The following PRPF31 variants were observed in gnomAD, a reference collection of about 807,000 sequenced individuals.
PRPF31 encodes the protein pre-mRNA processing factor 31, also known as U4/U6 small nuclear ribonucleoprotein Prp31.
Under a neutral mutation model 60.4 loss-of-function variants are expected in PRPF31, and 12 were observed. The ratio of observed to expected loss-of-function variants is 0.20; its 90% confidence interval spans 0.13 to 0.32. The LOEUF is 0.32. PRPF31 is among the 10% of genes least tolerant of loss of function. The probability of loss-of-function intolerance (pLI) is 1.00; values close to 1 mark genes in which losing one functional copy is unlikely to be tolerated. For synonymous variants in PRPF31, 287 were observed against 287.9 expected (o/e 1.00, Z 0.03); for missense variants, 431 against 687.1 (o/e 0.63, Z 4.17).
chr19:54,127,950 G>C, intron 9 of PRPF31, 123 bp from the exon 10 acceptor site: 1 of 1,341,416 alleles, frequency 7.5e-7, no homozygotes. Flanking sequence ...AGGGGGTGGC[G>C]GTGAGGCAGC....
Position 54,131,447 on chromosome 19 carries a change from C to T in PRPF31, c.*15C>T, listed in dbSNP as rs775037640. 2 of 1,613,814 alleles carry T rather than the reference C, an allele frequency of 1.2e-6. No individual in the cohort carries two copies. Among genetic ancestry groups the T allele is most frequent in the Non-Finnish European group, 1.7e-6 (2 of 1,179,980 alleles). On this transcript the variant is annotated 3_prime_UTR_variant, in exon 14 of 14. Transcript: ENST00000321030. The stretch of plus-strand genomic sequence containing the variant: ...TGTCCACCTGAATGACTGCGTGTGT[C>T]CAAGGTGGCTTCCCACTGAAGGGAC...
At chr19:54,122,869 C>T (rs587726073) in intron 5 of PRPF31, 4 of 575,342 alleles carry the variant, frequency 7.0e-6, no homozygotes, top group Admixed American at 2.9e-5. Flanking sequence ...AGTTGACATC[C>T]GAAGGTTGAC....
intron 1 of PRPF31, among the ~76,000 whole-genome samples, chr19:54,116,709 T>C (rs1176869508): frequency 6.6e-6 from 1 of 152,238 alleles, no homozygotes; most frequent in Non-Finnish European, 1.5e-5. Flanking sequence ...GGACACGTTA[T>C]CACAAAGCAA....
Position 54,131,426 on chromosome 19 carries a change from C to T in PRPF31, c.1494C>T (p.Ser498=), listed in dbSNP as rs192902270. The change falls in exon 14 of 14, where the codon TCC becomes TCT. Residue 498 remains serine (S), a synonymous_variant. Coordinates refer to ENST00000321030, the MANE Select transcript of PRPF31 (RefSeq NM_015629.4). ...KVKGEKSGLM[S]T ...AGGGCGAGAAGAGTGGCCTTATGTCCACCTGAATGACTGCGTGTGTCCAAG... is the reference window on the plus strand; with the variant it reads ...AGGGCGAGAAGAGTGGCCTTATGTCTACCTGAATGACTGCGTGTGTCCAAG... The T allele has an allele frequency of 9.9e-6, 16 of 1,614,068 alleles. No homozygotes were observed. Among genetic ancestry groups the T allele is most frequent in the African/African-American group, 5.3e-5 (4 of 75,066 alleles).
chr19:54,119,183 C>T (rs1209297177), intron 3 of PRPF31, among the ~76,000 whole-genome samples: 1 of 152,116 alleles, frequency 6.6e-6, no homozygotes, highest in Admixed American at 6.6e-5. Flanking sequence ...GAGATCGAGA[C>T]CATCCTGGCT....
chr19:54,126,673 T>A, intron 9 of PRPF31, 56 bp downstream of exon 9: 3 of 1,526,164 alleles, frequency 2.0e-6, no homozygotes, highest in Non-Finnish European at 2.7e-6. Flanking sequence ...GCCTGGGGTG[T>A]CTCTGCAGGG....
intron 13 of PRPF31, 46 bp downstream of exon 13, chr19:54,129,416 A>G (rs372879221): frequency 2.0e-4 from 309 of 1,547,148 alleles, no homozygotes; most frequent in Middle Eastern, 1.7e-4. Context: ...AGACCTTGGC[A>G]AGGCCCCTTG....
chr19:54,118,748 CTTT>C, intron 3 of PRPF31, 115 bp downstream of exon 3: 1 of 882,144 alleles, frequency 1.1e-6, no homozygotes, highest in Admixed American at 2.6e-5. Flanking sequence ...CCAGAGCCTT[CTTT>C]TTTTTTTGTT....
At chr19:54,119,643 T>C (rs2073739704) in intron 3 of PRPF31, 1 of 152,024 alleles carries the variant, frequency 6.6e-6, no homozygotes. Flanking sequence ...ATTACAGGTA[T>C]GCAACACCAT....
intron 8 of PRPF31, among the ~76,000 whole-genome samples, chr19:54,126,025 A>G (rs2073912704): frequency 6.6e-6 from 1 of 152,232 alleles, no homozygotes; most frequent in African/African-American, 2.4e-5. Flanking sequence ...AGGGCTGGCC[A>G]TCGCTTCACT....
In PRPF31 at chr19:54,126,516, C is replaced by T. The variant is rs368749761; in HGVS notation, c.856-12C>T. Reference sequence around the variant, plus strand: ...CTCACACAGATTCCACCCCCGTTTTCCGTTGCTCCAGGATCTGCGGCGGAA... The same window carrying T: ...CTCACACAGATTCCACCCCCGTTTTTCGTTGCTCCAGGATCTGCGGCGGAA... On this transcript the variant is annotated splice_polypyrimidine_tract_variant and intron_variant, in intron 8 of 13. Coordinates refer to ENST00000321030, the MANE Select transcript of PRPF31 (RefSeq NM_015629.4). The T allele has an allele frequency of 5.3e-5, 85 of 1,611,298 alleles. No homozygotes were observed. The highest frequency in any genetic ancestry group is 7.2e-5 in the Non-Finnish European group (85 of 1,178,904).
At chr19:54,122,415 A>C (rs970431283) in intron 4 of PRPF31, 82 bp from the exon 5 acceptor site, 1 of 1,019,732 alleles carries the variant, frequency 9.8e-7, no homozygotes, top group South Asian at 1.3e-5. Flanking sequence ...TACTAAAGGA[A>C]GAAGGGGACA....
At chr19:54,123,626 G>A (rs1011437193) in intron 6 of PRPF31, 66 bp downstream of exon 6, 12 of 1,606,358 alleles carry the variant, frequency 7.5e-6, no homozygotes, top group Admixed American at 3.4e-5. Context: ...AGCTACACAC[G>A]CAGGTGTACA....
At position 54,131,490 on chromosome 19, in the gene PRPF31, C is replaced by G; in HGVS notation, c.*58C>G. 1.9e-6 allele frequency: 3 copies of G among 1,603,516 alleles called. No individual in the cohort carries two copies. The highest frequency in any genetic ancestry group is 2.6e-6 in the Non-Finnish European group (3 of 1,174,490). Reference sequence around the variant, plus strand: ...GAAGGGACACAGAGGTCCAGTCCTTCTGAAGGGCTAGGATCGGGTTCTGGC... The same window carrying G: ...GAAGGGACACAGAGGTCCAGTCCTTGTGAAGGGCTAGGATCGGGTTCTGGC... On this transcript the variant is annotated 3_prime_UTR_variant, in exon 14 of 14. Coordinates refer to ENST00000321030, the MANE Select transcript of PRPF31 (RefSeq NM_015629.4).
chr19:54,125,553 C>T (rs1220547982), intron 8 of PRPF31, among the ~76,000 whole-genome samples: 1 of 151,994 alleles, frequency 6.6e-6, no homozygotes, highest in African/African-American at 2.4e-5. Flanking sequence ...GGGTCCAGAC[C>T]CTGCTCTGTC....
intron 9 of PRPF31, among the ~76,000 whole-genome samples, chr19:54,126,958 A>G (rs2073936569): frequency 6.6e-6 from 1 of 152,176 alleles, no homozygotes; most frequent in South Asian, 2.1e-4. Flanking sequence ...GTGAAACCCC[A>G]TCTCTACCAA....
rs1281473715 is a variant in PRPF31, at chr19:54,123,537, C to T, written c.504C>T (p.Ser168=). The T allele has an allele frequency of 5.6e-6, 9 of 1,614,046 alleles. No individual in the cohort carries two copies. The highest frequency in any genetic ancestry group is 3.3e-4 in the Middle Eastern group (2 of 6,084). The part of the protein sequence containing the change: ...ILTNATIMVV[S]VTASTTQGQQ... Reference sequence around the variant, plus strand: ...CCAATGCCACCATCATGGTCGTCAGCGTCACCGCCTCCACCACCCAGGGGT... The same window carrying T: ...CCAATGCCACCATCATGGTCGTCAGTGTCACCGCCTCCACCACCCAGGGGT... Residue 168 remains serine (S), a synonymous_variant, in exon 6 of 14, where the codon AGC becomes AGT. Transcript: ENST00000321030.
At chr19:54,123,640 GCA>G (rs2073846958) in intron 6 of PRPF31, 80 bp downstream of exon 6, 2 of 1,598,708 alleles carry the variant, frequency 1.3e-6, no homozygotes, top group Admixed American at 1.7e-5. Context: ...GTGTACACAC[GCA>G]CACACACATA....
chr19:54,128,162 G>A lies in PRPF31; in HGVS notation c.1035G>A (p.Ala345=), dbSNP rs1226240803. ...TGAAGCAGGTGAAGCCGCTGCCTGCGCCCCTGGATGGACAGCGGAAGAAGC... is the reference window on the plus strand; with the variant it reads ...TGAAGCAGGTGAAGCCGCTGCCTGCACCCCTGGATGGACAGCGGAAGAAGC... The part of the protein sequence containing the change: ...PPVKQVKPLP[A]PLDGQRKKRG... The change falls in exon 10 of 14, where the codon GCG becomes GCA. Residue 345 remains alanine (A), a synonymous_variant. Transcript: ENST00000321030. 1.9e-6 allele frequency: 3 copies of A among 1,564,440 alleles called. No homozygotes were observed. Among genetic ancestry groups the A allele is most frequent in the Admixed American group, 1.9e-5 (1 of 51,418 alleles).
Sources: allele counts gnomAD v4.1 joint callset (sites outside exome capture counted in the v4.1 genomes callset), GRCh38; gene constraint gnomAD v4.1.1; transcripts MANE v1.5; gene names NCBI Gene and HGNC (gene_info 2026-07-23, HGNC 2026-07-21).